HSP90AA1: variants seen among roughly 807,000 people sequenced by gnomAD.
The protein encoded by HSP90AA1 is heat shock protein HSP 90-alpha.
HSP90AA1 carries 18 observed loss-of-function variants against 73.3 expected under a neutral mutation model. The ratio of observed to expected loss-of-function variants is 0.25; its 90% confidence interval spans 0.17 to 0.36. HSP90AA1 has a LOEUF of 0.36. Ranked by LOEUF, HSP90AA1 falls within the 10% of genes least tolerant of loss-of-function variation. The pLI is 1.00. For missense variants in HSP90AA1, 704 were observed against 874.2 expected (o/e 0.81, Z 2.45); for synonymous variants, 477 against 296.9 (o/e 1.61, Z -6.24).
chr14:102,083,525 T>G lies in HSP90AA1; in HGVS notation c.1486+21A>C, dbSNP rs377123795. ...AGATTGTAAGAACGACGTGTATGACTGTAACATAGTGTTCTCTTACCTGTG... is the reference window on the plus strand; with the variant it reads ...AGATTGTAAGAACGACGTGTATGACGGTAACATAGTGTTCTCTTACCTGTG... On this transcript the variant is annotated intron_variant, in intron 8 of 10. Coordinates refer to ENST00000216281, the MANE Select transcript of HSP90AA1 (RefSeq NM_005348.4). 18 of 1,610,410 alleles carry G rather than the reference T, an allele frequency of 1.1e-5. No homozygotes were observed. In the African/African-American group the frequency reaches 2.3e-4, roughly 20 times the overall value.
upstream of HSP90AA1, among the ~76,000 whole-genome samples, chr14:102,089,151 C>G (rs1010031579): frequency 6.6e-6 from 1 of 152,128 alleles, no homozygotes; most frequent in Non-Finnish European, 1.5e-5. Context: ...GAACCCGTGA[C>G]CTCAGGTGAT....
At chr14:102,084,199 A>G in intron 6 of HSP90AA1, 200 bp downstream of exon 6, 1 of 675,486 alleles carries the variant, frequency 1.5e-6, no homozygotes, top group South Asian at 1.8e-5. Context: ...TCAGCCTGCC[A>G]CTACATGGGG....
chr14:102,083,186 C>G lies in HSP90AA1; in HGVS notation c.1603G>C (p.Glu535Gln). ...IDEYCVQQLK[E>Q]FEGKTLVSVT... ...GACACTAAAGTCTTCCCCTCAAATT[C>G]CTTCAGCTGTTGGACACAGTACTCA... The change falls in exon 9 of 11, where the codon GAA becomes CAA. Residue 535 changes from glutamate to glutamine, a missense_variant. Glu to Gln is a conservative substitution (Grantham distance 29). Coordinates refer to ENST00000216281, the MANE Select transcript of HSP90AA1 (RefSeq NM_005348.4). 6.2e-7 allele frequency: 1 copy of G among 1,614,060 alleles called. No individual in the cohort carries two copies. Among genetic ancestry groups the G allele is most frequent in the Non-Finnish European group, 8.5e-7 (1 of 1,179,954 alleles).
chr14:102,138,862 G>A (rs2050119768), intron 1 of HSP90AA1, among the ~76,000 whole-genome samples: 1 of 152,032 alleles, frequency 6.6e-6, no homozygotes, highest in South Asian at 2.1e-4. Flanking sequence ...ACGTGTGCCC[G>A]TCCTTATAAA....
At chr14:102,139,325 G>C (rs1036384928) in exon 1 of HSP90AA1, 1 of 1,613,496 alleles carries the variant, frequency 6.2e-7, no homozygotes, top group Non-Finnish European at 8.5e-7. Context: ...CGGGTATTCA[G>C]CACTCTGGGC....
At chr14:102,114,253 T>C (rs187704081) in intron 1 of HSP90AA1, among the ~76,000 whole-genome samples, 1 of 152,096 alleles carries the variant, frequency 6.6e-6, no homozygotes, top group Admixed American at 6.6e-5. Flanking sequence ...CCTCCCAAAG[T>C]GCTGAGATTG....
intron 3 of HSP90AA1, 34 bp from the exon 4 acceptor site, chr14:102,085,465 A>G: frequency 8.2e-6 from 6 of 729,456 alleles, no homozygotes; most frequent in Non-Finnish European, 1.2e-5. Flanking sequence ...GACTTAATAC[A>G]TTCAATTTAG....
intron 1 of HSP90AA1, among the ~76,000 whole-genome samples, chr14:102,115,827 T>G (rs1252406346): frequency 6.6e-6 from 1 of 152,156 alleles, no homozygotes; most frequent in Non-Finnish European, 1.5e-5. Flanking sequence ...TAGGCTAGCC[T>G]AGAACTTCTG....
chr14:102,135,442 G>A (rs1400031322), intron 1 of HSP90AA1, among the ~76,000 whole-genome samples: 2 of 152,306 alleles, frequency 1.3e-5, no homozygotes, highest in African/African-American at 4.8e-5. Context: ...GAGCCCAGCT[G>A]CCTTCACCTA....
chr14:102,139,734 G>C, upstream of HSP90AA1: 1 of 853,674 alleles, frequency 1.2e-6, no homozygotes. Flanking sequence ...CGCCAGGTGA[G>C]CACGCCTGCG....
rs188301098 is a variant in HSP90AA1 at position 102,081,927 on chromosome 14, T to A, written c.2090-106A>T. 480 of 788,292 alleles carry A rather than the reference T, an allele frequency of 6.1e-4. 4 individuals are homozygous for A. In the African/African-American group the frequency reaches 7.3e-3, roughly 12 times the overall value. The allele number at this position is 788,292 out of a possible 1,614,324, so 48.8% of individuals were successfully genotyped here. A position where few individuals can be genotyped will look rare whatever the true frequency, so the allele number is the denominator to read the frequency against. ...TTTCAAGACAGTATTACAGGACATA[T>A]GAGTCTCAATTTCATTTCTTTGCTC... is the stretch of plus-strand genomic sequence containing the variant. On this transcript the variant is annotated intron_variant, in intron 10 of 10. Coordinates refer to ENST00000216281, the MANE Select transcript of HSP90AA1 (RefSeq NM_005348.4).
In HSP90AA1 at chr14:102,081,290, A is replaced by T. The variant is rs913716905; in HGVS notation, c.*422T>A. ...AGGACTAGTACATGCAGAATTGTCA[A>T]CTACAGGGAATGAAAAGTTCAAAAA... On this transcript the variant is annotated 3_prime_UTR_variant, in exon 11 of 11. Coordinates refer to ENST00000216281, the MANE Select transcript of HSP90AA1 (RefSeq NM_005348.4). 4 of 295,646 alleles carry T rather than the reference A, an allele frequency of 1.4e-5. No individual in the cohort carries two copies. The highest frequency in any genetic ancestry group is 1.3e-5 in the Non-Finnish European group (2 of 155,592). The allele number at this position is 295,646 out of a possible 1,614,324, so 18.3% of individuals were successfully genotyped here.
At chr14:102,125,560 A>G (rs1262477381) in intron 1 of HSP90AA1, among the ~76,000 whole-genome samples, 2 of 152,226 alleles carry the variant, frequency 1.3e-5, no homozygotes, top group Non-Finnish European at 2.9e-5. Context: ...AGCCAAATAC[A>G]TAAAATAAAC....
chr14:102,091,419 T>C (rs765395886), upstream of HSP90AA1, among the ~76,000 whole-genome samples: 131 of 152,028 alleles, frequency 8.6e-4, no homozygotes, highest in Non-Finnish European at 1.5e-3. Context: ...GGTCAGAAGT[T>C]TGTGACCAGC....
chr14:102,090,787 A>G (rs1349712472), upstream of HSP90AA1, among the ~76,000 whole-genome samples: 1 of 152,228 alleles, frequency 6.6e-6, no homozygotes, highest in East Asian at 1.9e-4. Context: ...CAAGCCTTGC[A>G]GATTTAGCAT....
intron 1 of HSP90AA1, among the ~76,000 whole-genome samples, chr14:102,125,357 C>T (rs1438832149): frequency 1.3e-5 from 2 of 152,152 alleles, no homozygotes. Context: ...GTTGATAATT[C>T]TTGCAATGTT....
intron 1 of HSP90AA1, among the ~76,000 whole-genome samples, chr14:102,132,801 T>C (rs1409914266): frequency 6.8e-6 from 1 of 147,122 alleles, no homozygotes; most frequent in Non-Finnish European, 1.5e-5. Flanking sequence ...CTACTAAAAA[T>C]ACAAAAGAAT....
Position 102,082,101 on chromosome 14 carries a change from T to TA in HSP90AA1, c.2089+9dup, listed in dbSNP as rs763472162. 4 of 1,569,836 alleles carry TA rather than the reference T, an allele frequency of 2.5e-6. No individual in the cohort carries two copies. Among genetic ancestry groups the TA allele is most frequent in the African/African-American group, 1.3e-5 (1 of 74,074 alleles). ...ATTTTCTTTTTAACATTACATAGTATAAGGCTTACCCAGACCAAGTTTGAT... is the reference window on the plus strand; with the variant it reads ...ATTTTCTTTTTAACATTACATAGTATAAAGGCTTACCCAGACCAAGTTTGAT... On this transcript the variant is annotated intron_variant, in intron 10 of 10. Transcript: ENST00000216281.
At chr14:102,134,759 G>A (rs984832357) in intron 1 of HSP90AA1, among the ~76,000 whole-genome samples, 2 of 152,200 alleles carry the variant, frequency 1.3e-5, no homozygotes, top group Admixed American at 6.5e-5. Flanking sequence ...TGGACCCAAA[G>A]AGTGAGCAGT....
Sources: allele counts gnomAD v4.1 joint callset (sites outside exome capture counted in the v4.1 genomes callset), GRCh38; gene constraint gnomAD v4.1.1; transcripts MANE v1.5; gene names NCBI Gene and HGNC (gene_info 2026-07-23, HGNC 2026-07-21).